IL2RG: variants seen among roughly 807,000 people sequenced by gnomAD.
IL2RG encodes interleukin 2 receptor subunit gamma, also known as cytokine receptor common subunit gamma.
For missense variants in IL2RG, 205 were observed against 272.9 expected (o/e 0.75, Z 1.75); for synonymous variants, 111 against 108.5 (o/e 1.02, Z -0.15).
rs987981899 is a variant in IL2RG at position 71,109,378 on chromosome X, C to T, written c.607G>A (p.Asp203Asn). 3.7e-5 allele frequency: 45 copies of T among 1,208,427 alleles called. No individual in the cohort carries two copies. The highest frequency in any genetic ancestry group is 4.4e-5 in the Non-Finnish European group (39 of 893,666). Residue 203 changes from aspartate (D) to asparagine (N), a missense_variant, in exon 5 of 8, where the codon GAT (aspartate) becomes AAT (asparagine). Asp to Asn is a conservative substitution (Grantham distance 23). Transcript: ENST00000374202. The stretch of plus-strand genomic sequence containing the variant: ...GGCAAGGAGAACTTATGTCTATAAT[C>T]CACTGATTGTTCCTTGAGGAGAAAG... ...WDHSWTEQSV[D>N]YRHKFSLPSV... is the part of the protein sequence containing the mutation.
At chrX:71,108,727 A>G in intron 5 of IL2RG, 32 bp from the exon 6 acceptor site, 2 of 997,074 alleles carry the variant, frequency 2.0e-6, no homozygotes, top group Non-Finnish European at 2.8e-6. Context: ...AGTGGACCTT[A>G]TATTTGTTGT....
chrX:71,107,795 A>G lies in IL2RG; in HGVS notation c.1051T>C (p.Cys351Arg). ...ALGEGPGASPCNQHSPYWAPP... is the reference protein window; with the variant it reads ...ALGEGPGASPRNQHSPYWAPP... The stretch of plus-strand genomic sequence containing the variant: ...GCCCAGTAGGGGCTATGCTGGTTGC[A>G]TGGGGAGGCCCCAGGCCCCTCCCCA... The change falls in exon 8 of 8, where the codon TGC becomes CGC. Residue 351 changes from cysteine (C) to arginine (R), a missense_variant. Cys to Arg is a radical substitution (Grantham distance 180, BLOSUM62 -3). Coordinates refer to ENST00000374202, the MANE Select transcript of IL2RG (RefSeq NM_000206.3). The G allele has an allele frequency of 1.7e-6, 2 of 1,180,126 alleles. No homozygotes were observed. The highest frequency in any genetic ancestry group is 2.3e-6 in the Non-Finnish European group (2 of 879,396).
At chrX:71,109,991 A>G (rs552573505) in intron 4 of IL2RG, among the ~76,000 whole-genome samples, 165 bp downstream of exon 4, 2 of 109,500 alleles carry the variant, frequency 1.8e-5, no homozygotes, top group African/African-American at 6.6e-5. Context: ...CTCACTGGAG[A>G]AAATAGGGGG....
intron 4 of IL2RG, among the ~76,000 whole-genome samples, chrX:71,109,929 C>CAAAA (rs369142790): frequency 2.1e-5 from 1 of 47,673 alleles, no homozygotes; most frequent in Admixed American, 2.4e-4. Flanking sequence ...GGCTCTGTCT[C>CAAAA]AAAAAAAAAA....
Position 71,108,265 on chromosome X carries a change from C to T in IL2RG, c.924+12G>A, listed in dbSNP as rs1486616402. 18 of 1,166,306 alleles carry T rather than the reference C, an allele frequency of 1.5e-5. No individual in the cohort carries two copies. In the Admixed American group the frequency reaches 3.7e-4, roughly 24 times the overall value. On this transcript the variant is annotated intron_variant, in intron 7 of 7. Coordinates refer to ENST00000374202, the MANE Select transcript of IL2RG (RefSeq NM_000206.3). ...TTGATAGACTGCAGCATGCTTATGACAGCGTTCTCACCGAAAAGTTCCCGT... is the reference window on the plus strand; with the variant it reads ...TTGATAGACTGCAGCATGCTTATGATAGCGTTCTCACCGAAAAGTTCCCGT...
chrX:71,108,502 A>T, intron 6 of IL2RG, 97 bp downstream of exon 6: 1 of 709,161 alleles, frequency 1.4e-6, no homozygotes, highest in Non-Finnish European at 2.2e-6. Flanking sequence ...CTCATTACTT[A>T]CTGTCTCATC....
chrX:71,110,470 T>A (rs1815175824), intron 3 of IL2RG, 34 bp downstream of exon 3: 1 of 1,176,476 alleles, frequency 8.5e-7, no homozygotes, highest in Non-Finnish European at 1.2e-6. Flanking sequence ...TCCCACAGTA[T>A]CCCTGGTCTC....
At chrX:71,110,028 G>C (rs1395734209) in intron 4 of IL2RG, 128 bp downstream of exon 4, 2 of 650,032 alleles carry the variant, frequency 3.1e-6, no homozygotes, top group African/African-American at 2.2e-5. Flanking sequence ...GGGAGGGTAG[G>C]GGGTGAGCAG....
At position 71,107,855 on chromosome X, in the gene IL2RG, G is replaced by T. The variant is rs1354567083; in HGVS notation, c.991C>A (p.Leu331Ile). The T allele has an allele frequency of 2.5e-6, 3 of 1,207,282 alleles. No homozygotes were observed. The African/African-American group carries it at 5.2e-5, about 21-fold the overall frequency. The change falls in exon 8 of 8, where the codon CTC becomes ATC. Residue 331 changes from leucine (L) to isoleucine (I), a missense_variant. Leu to Ile is a conservative substitution (Grantham distance 5, BLOSUM62 2). Transcript: ENST00000374202. ...CCTTTTGGGGGAATCTCACTGACGA[G>T]GCAGAGTCGTTCACTGTAGTCTGGC... The part of the protein sequence containing the change: ...LQPDYSERLC[L>I]VSEIPPKGGA...
chrX:71,111,250 C>CCAGA (rs17875895), intron 1 of IL2RG, 175 bp downstream of exon 1: 3 of 694,889 alleles, frequency 4.3e-6, no homozygotes, highest in Non-Finnish European at 6.4e-6. Flanking sequence ...AACAAACAAA[C>CCAGA]AAGAAAGAAA....
chrX:71,110,840 T>C, intron 2 of IL2RG, 57 bp downstream of exon 2: 5 of 1,169,083 alleles, frequency 4.3e-6, no homozygotes, highest in Non-Finnish European at 4.7e-6. Context: ...CCCTCTCTCT[T>C]GGTCTCTGAT....
intron 4 of IL2RG, among the ~76,000 whole-genome samples, chrX:71,109,953 A>G (rs1385294822): frequency 9.2e-6 from 1 of 108,231 alleles, no homozygotes; most frequent in Non-Finnish European, 1.9e-5. Context: ...AAAGAAAGAA[A>G]GAAAGAAAAG....
chrX:71,107,771 C>A lies in IL2RG; in HGVS notation c.1075G>T (p.Ala359Ser). The stretch of plus-strand genomic sequence containing the variant: ...GGCTTTAGGGTGTAACATGGGGGGG[C>A]CCAGTAGGGGCTATGCTGGTTGCAT... Reference protein sequence around the residue: ...SPCNQHSPYWAPPCYTLKPET With the variant: ...SPCNQHSPYWSPPCYTLKPET The change falls in exon 8 of 8, where the codon GCC becomes TCC. Residue 359 changes from alanine (A) to serine (S), a missense_variant. Transcript: ENST00000374202. The A allele has an allele frequency of 8.7e-7, 1 of 1,153,412 alleles. No homozygotes were observed. Among genetic ancestry groups the A allele is most frequent in the Non-Finnish European group, 1.2e-6 (1 of 867,517 alleles).
chrX:71,111,328 CAT>C, intron 1 of IL2RG, 95 bp downstream of exon 1: 1 of 1,114,056 alleles, frequency 9.0e-7, no homozygotes, highest in Non-Finnish European at 1.2e-6. Context: ...ATTCTGCCCA[CAT>C]GATTGTAATG....
intron 2 of IL2RG, 86 bp downstream of exon 2, chrX:71,110,811 G>A: frequency 1.8e-6 from 2 of 1,115,309 alleles, no homozygotes; most frequent in Non-Finnish European, 2.5e-6. Flanking sequence ...AAACAGTGGG[G>A]TACCTGGGAG....
chrX:71,107,939 C>T lies in IL2RG; in HGVS notation c.925-18G>A, dbSNP rs1167209417. On this transcript the variant is annotated intron_variant, in intron 7 of 7. Coordinates refer to ENST00000374202, the MANE Select transcript of IL2RG (RefSeq NM_000206.3). ...CTCCAGGCCTAAAGACAGATATGTCCAGGTCAGGGGTCAATTAGGGGCAGG... is the reference window on the plus strand; with the variant it reads ...CTCCAGGCCTAAAGACAGATATGTCTAGGTCAGGGGTCAATTAGGGGCAGG... The T allele has an allele frequency of 8.4e-7, 1 of 1,186,271 alleles. No homozygotes were observed. The highest frequency in any genetic ancestry group is 1.1e-6 in the Non-Finnish European group (1 of 873,098).
chrX:71,107,754 GGT>G lies in IL2RG; in HGVS notation c.1090_1091del (p.Thr364ProfsTer4). On this transcript the variant is annotated frameshift_variant, in exon 8 of 8. Transcript: ENST00000374202. LOFTEE classifies it high-confidence loss of function. Reference sequence around the variant, plus strand: ...TTGGGGTTCAGGTTTCAGGCTTTAGGGTGTAACATGGGGGGGCCCAGTAGGGG... The same window carrying G: ...TTGGGGTTCAGGTTTCAGGCTTTAGGGTAACATGGGGGGGCCCAGTAGGGG... ...HSPYWAPPCY[T>X]LKPET 4 of 1,144,605 alleles carry G rather than the reference GGT, an allele frequency of 3.5e-6. No homozygotes were observed. The highest frequency in any genetic ancestry group is 4.6e-6 in the Non-Finnish European group (4 of 863,020). 94.3% of individuals were successfully genotyped at this position (1,144,605 alleles called of 1,213,427 possible).
intron 4 of IL2RG, 82 bp downstream of exon 4, chrX:71,110,074 A>G (rs2092260181): frequency 9.6e-7 from 1 of 1,043,763 alleles, no homozygotes; most frequent in South Asian, 1.9e-5. Flanking sequence ...GCTTGATATT[A>G]GGTCCTTCTA....
chrX:71,108,740 C>T, intron 5 of IL2RG, 45 bp from the exon 6 acceptor site: 1 of 904,160 alleles, frequency 1.1e-6, no homozygotes, highest in Non-Finnish European at 1.6e-6. Context: ...TTTGTTGTGC[C>T]CCTACTACAT....
Sources: allele counts gnomAD v4.1 joint callset (sites outside exome capture counted in the v4.1 genomes callset), GRCh38; gene constraint gnomAD v4.1.1; transcripts MANE v1.5; gene names NCBI Gene and HGNC (gene_info 2026-07-23, HGNC 2026-07-21).